Variants in PPM1E observed in about 807,000 individuals in gnomAD.
The protein encoded by PPM1E is protein phosphatase, Mg2+/Mn2+ dependent 1E, also known as protein phosphatase 1E.
In PPM1E, 20 loss-of-function variants were observed where a neutral mutation model predicts 65.9. The observed-to-expected ratio is 0.30, with a 90% CI of 0.21 to 0.44. The LOEUF is 0.44. PPM1E is among the 20% of genes least tolerant of loss of function. The probability of loss-of-function intolerance (pLI) is 1.00; values close to 1 mark genes in which losing one functional copy is unlikely to be tolerated. For missense variants in PPM1E, 713 were observed against 953.1 expected (o/e 0.75, Z 3.32); for synonymous variants, 352 against 374.9 (o/e 0.94, Z 0.70).
At chr17:58,884,516 TG>T (rs1374481037) in intron 1 of PPM1E, among the ~76,000 whole-genome samples, 1 of 152,232 alleles carries the variant, frequency 6.6e-6, no homozygotes, top group East Asian at 1.9e-4. Flanking sequence ...TTTTAAAATT[TG>T]CCTTAATTTT....
chr17:58,837,830 A>G (rs1044763229), intron 1 of PPM1E, among the ~76,000 whole-genome samples: 1 of 152,202 alleles, frequency 6.6e-6, no homozygotes, highest in South Asian at 2.1e-4. Flanking sequence ...TGTGCTACGC[A>G]TTTGCTAATT....
Position 58,982,855 on chromosome 17 carries a change from C to G in PPM1E, c.*1824C>G. 3.3e-6 allele frequency: 5 copies of G among 1,514,942 alleles called. No homozygotes were observed. Among genetic ancestry groups the G allele is most frequent in the Non-Finnish European group, 4.5e-6 (5 of 1,109,876 alleles). The allele number at this position is 1,514,942 out of a possible 1,614,324, so 93.8% of individuals were successfully genotyped here. On this transcript the variant is annotated 3_prime_UTR_variant, in exon 7 of 7. Coordinates refer to ENST00000308249, the MANE Select transcript of PPM1E (RefSeq NM_014906.5). ...CCCCACACATGGTCCTCACTCATAT[C>G]TGTCACCTTCTGAAGCCTAGATCTT... is the stretch of plus-strand genomic sequence containing the variant.
At position 58,786,084 on chromosome 17, in the gene PPM1E, G is replaced by A. The variant is rs575498914; in HGVS notation, c.464+29623G>A. The stretch of plus-strand genomic sequence containing the variant: ...GGCTGGAGTACAGTGGCGCAATCCC[G>A]GCTCACTTCAAGCTCCGCCTCCCGG... On this transcript the variant is annotated intron_variant, in intron 1 of 6. Coordinates refer to ENST00000308249, the MANE Select transcript of PPM1E (RefSeq NM_014906.5). Among the ~76,000 whole-genome samples, 5 of 148,164 alleles carry A rather than the reference G, an allele frequency of 3.4e-5. No homozygotes were observed. In the East Asian group the frequency reaches 8.0e-4, roughly 24 times the overall value.
chr17:58,759,070 C>T (rs1267965673), intron 1 of PPM1E, among the ~76,000 whole-genome samples: 1 of 151,840 alleles, frequency 6.6e-6, no homozygotes, highest in Non-Finnish European at 1.5e-5. Context: ...AGACCTTGTC[C>T]GCCCACCTTC....
intron 1 of PPM1E, among the ~76,000 whole-genome samples, chr17:58,953,812 A>G (rs1372493130): frequency 6.7e-6 from 1 of 148,852 alleles, no homozygotes; most frequent in Non-Finnish European, 1.5e-5. Flanking sequence ...CAATGGCACG[A>G]TCTCGGCTCA....
intron 1 of PPM1E, among the ~76,000 whole-genome samples, chr17:58,924,552 T>C (rs527899570): frequency 4.9e-4 from 75 of 152,160 alleles, no homozygotes; most frequent in Middle Eastern, 3.4e-3. Context: ...TCCAATAGCA[T>C]GAGTTTCTTT....
rs2030474301 is a variant in PPM1E at position 58,969,744 on chromosome 17, T to C, written c.972+17T>C. On this transcript the variant is annotated intron_variant, in intron 4 of 6. Transcript: ENST00000308249. ...GCCAGGGAGGTATGCCCCTTTCTCA[T>C]AAGTTCCAGCTAGAAATGTACTAGC... 1 of 1,612,592 alleles carries C rather than the reference T, an allele frequency of 6.2e-7. No homozygotes were observed. The highest frequency in any genetic ancestry group is 8.5e-7 in the Non-Finnish European group (1 of 1,178,988).
chr17:58,880,046 T>TC (rs1408028737), intron 1 of PPM1E, among the ~76,000 whole-genome samples: 2 of 152,210 alleles, frequency 1.3e-5, no homozygotes, highest in Non-Finnish European at 2.9e-5. Flanking sequence ...GCAGTTACAG[T>TC]CAATCACTGG....
chr17:58,862,743 A>G (rs917188835), intron 1 of PPM1E, among the ~76,000 whole-genome samples: 4 of 152,212 alleles, frequency 2.6e-5, no homozygotes, highest in Non-Finnish European at 5.9e-5. Context: ...GTTTTCCCCA[A>G]GTAATCATTT....
intron 1 of PPM1E, among the ~76,000 whole-genome samples, chr17:58,913,165 C>T (rs1299106913): frequency 6.6e-6 from 1 of 152,156 alleles, no homozygotes; most frequent in East Asian, 1.9e-4. Flanking sequence ...GGTCATTCTA[C>T]ATATCTCCAA....
At chr17:58,768,575 C>T (rs905797517) in intron 1 of PPM1E, among the ~76,000 whole-genome samples, 2 of 152,106 alleles carry the variant, frequency 1.3e-5, no homozygotes, top group East Asian at 1.9e-4. Context: ...AGATAAGAGC[C>T]GTCTAAGGGT....
chr17:58,865,824 G>A (rs1232314244), intron 1 of PPM1E, among the ~76,000 whole-genome samples: 1 of 152,192 alleles, frequency 6.6e-6, no homozygotes, highest in East Asian at 1.9e-4. Context: ...CTAGACAACA[G>A]CAAATCTGCA....
chr17:58,871,523 A>G (rs2051069454), intron 1 of PPM1E, among the ~76,000 whole-genome samples: 1 of 152,154 alleles, frequency 6.6e-6, no homozygotes, highest in African/African-American at 2.4e-5. Context: ...TTACTCAAGA[A>G]GAAACTTTAG....
intron 3 of PPM1E, 179 bp from the exon 4 acceptor site, chr17:58,969,360 T>C: frequency 1.4e-6 from 1 of 713,578 alleles, no homozygotes; most frequent in Middle Eastern, 2.4e-4. Context: ...GATACCCTAA[T>C]ATTGCAGGTA....
At chr17:58,851,978 G>T (rs2050830914) in intron 1 of PPM1E, among the ~76,000 whole-genome samples, 1 of 152,320 alleles carries the variant, frequency 6.6e-6, no homozygotes, top group South Asian at 2.1e-4. Context: ...CCTCAGCAAT[G>T]GTGGTTGCCC....
chr17:58,865,171 C>T (rs1053874131), intron 1 of PPM1E, among the ~76,000 whole-genome samples: 1 of 150,042 alleles, frequency 6.7e-6, no homozygotes, highest in African/African-American at 2.5e-5. Flanking sequence ...AGATGGATCA[C>T]GAGGTCAGAG....
intron 3 of PPM1E, 111 bp downstream of exon 3, chr17:58,966,004 G>T: frequency 8.5e-7 from 1 of 1,174,078 alleles, no homozygotes; most frequent in Non-Finnish European, 1.2e-6. Flanking sequence ...ATCTCTGGTA[G>T]ATTAGAGTAG....
rs1320971416 is a variant in PPM1E, at chr17:58,983,598, T to G, written c.*2567T>G. On this transcript the variant is annotated 3_prime_UTR_variant, in exon 7 of 7. Coordinates refer to ENST00000308249, the MANE Select transcript of PPM1E (RefSeq NM_014906.5). ...TTGTATTTAATGATGGTGTACCTGG[T>G]GATTGTAAAAATATTAGACAGATAT... is the stretch of plus-strand genomic sequence containing the variant. 6.6e-6 allele frequency: 1 copy of G among 152,662 alleles called. No homozygotes were observed. The highest frequency in any genetic ancestry group is 1.5e-5 in the Non-Finnish European group (1 of 68,038). The allele number at this position is 152,662 out of a possible 1,614,324, so 9.5% of individuals were successfully genotyped here.
rs150943815 is a variant in PPM1E, at chr17:58,954,560, C to T, written c.465-1089C>T. On this transcript the variant is annotated intron_variant, in intron 1 of 6. Coordinates refer to ENST00000308249, the MANE Select transcript of PPM1E (RefSeq NM_014906.5). ...CACTTCCTCTGGGTTTCTTTCAGTT[C>T]CTTAGATATAACAAGCTCTCAAAAG... 1.6e-3 allele frequency among the ~76,000 whole-genome samples: 243 copies of T among 152,208 alleles called. 1 individual carries two copies. Among genetic ancestry groups the T allele is most frequent in the Admixed American group, 5.0e-3 (77 of 15,262 alleles).
Sources: allele counts gnomAD v4.1 joint callset (sites outside exome capture counted in the v4.1 genomes callset), GRCh38; gene constraint gnomAD v4.1.1; transcripts MANE v1.5; gene names NCBI Gene and HGNC (gene_info 2026-07-23, HGNC 2026-07-21).